Variants in RAB6B observed in about 807,000 individuals in gnomAD.
The protein encoded by RAB6B is RAB6B, member RAS oncogene family, also known as ras-related protein Rab-6B.
Under a neutral mutation model 31.2 loss-of-function variants are expected in RAB6B, and 7 were observed. That is an observed-to-expected ratio of 0.22 (90% confidence interval 0.13 to 0.42). The LOEUF (loss-of-function observed/expected upper bound fraction) is 0.42, where lower values mean the gene tolerates loss of function less well. RAB6B is among the 10% of genes least tolerant of loss of function. The pLI is 1.00. For missense variants in RAB6B, 149 were observed against 280.6 expected (o/e 0.53, Z 3.35); for synonymous variants, 105 against 104.9 (o/e 1.00, Z -0.01).
chr3:133,885,146 G>C (rs139957346), intron 1 of RAB6B, among the ~76,000 whole-genome samples: 2 of 150,452 alleles, frequency 1.3e-5, no homozygotes, highest in Non-Finnish European at 3.0e-5. Context: ...CCAATGGCTA[G>C]AGGATGGGCT....
At chr3:133,895,319 G>A (rs976533087) in intron 1 of RAB6B, 78 bp downstream of exon 1, 89 of 1,473,080 alleles carry the variant, frequency 6.0e-5, no homozygotes, top group African/African-American at 9.8e-5. Context: ...AGCCTGGGCC[G>A]GGGGTCCCAA....
intron 6 of RAB6B, among the ~76,000 whole-genome samples, chr3:133,835,512 G>A (rs1251142017): frequency 2.0e-5 from 3 of 151,810 alleles, no homozygotes; most frequent in Non-Finnish European, 4.4e-5. Context: ...GTTTGGGCAG[G>A]TGTGGGTGGC....
chr3:133,854,876 C>T (rs1004281216), intron 2 of RAB6B, among the ~76,000 whole-genome samples: 3 of 152,224 alleles, frequency 2.0e-5, no homozygotes, highest in Non-Finnish European at 4.4e-5. Flanking sequence ...TTATGAAATA[C>T]AATTTTGTTT....
At chr3:133,859,388 C>T (rs1936127199) in intron 2 of RAB6B, among the ~76,000 whole-genome samples, 1 of 152,164 alleles carries the variant, frequency 6.6e-6, no homozygotes, top group Non-Finnish European at 1.5e-5. Flanking sequence ...GGAAGTCCTA[C>T]AGGTGTCTCT....
At chr3:133,860,301 G>A (rs1418378136) in intron 2 of RAB6B, among the ~76,000 whole-genome samples, 1 of 152,190 alleles carries the variant, frequency 6.6e-6, no homozygotes, top group Admixed American at 6.5e-5. Context: ...AGTGACTGGT[G>A]TCCTCTTAAG....
intron 2 of RAB6B, among the ~76,000 whole-genome samples, chr3:133,846,981 T>C (rs1935916124): frequency 6.6e-6 from 1 of 152,194 alleles, no homozygotes; most frequent in African/African-American, 2.4e-5. Context: ...ATTTTGTAGA[T>C]GGAAATTAGA....
rs1262839947 is a variant in RAB6B at position 133,895,749 on chromosome 3, C to G, written c.-283G>C. The G allele has an allele frequency of 9.3e-6, 4 of 427,926 alleles. No homozygotes were observed. The highest frequency in any genetic ancestry group is 8.2e-6 in the Non-Finnish European group (2 of 244,716). The allele number at this position is 427,926 out of a possible 1,614,324, so 26.5% of individuals were successfully genotyped here. ...GTGCGAGGGGCGCGCTCTTTACGCC[C>G]GAGGCGCGGCGCTGGGAGAGAGGCG... On this transcript the variant is annotated 5_prime_UTR_variant, in exon 1 of 8. Coordinates refer to ENST00000285208, the MANE Select transcript of RAB6B (RefSeq NM_016577.4).
intron 2 of RAB6B, among the ~76,000 whole-genome samples, chr3:133,842,842 A>G (rs921231676): frequency 6.6e-6 from 1 of 152,230 alleles, no homozygotes; most frequent in Non-Finnish European, 1.5e-5. Flanking sequence ...TACTTTCCAC[A>G]ATGAACATAT....
At chr3:133,840,256 G>T (rs1935805377) in intron 4 of RAB6B, among the ~76,000 whole-genome samples, 1 of 152,198 alleles carries the variant, frequency 6.6e-6, no homozygotes. Context: ...GGCCACTTCT[G>T]GGCAGCCTGA....
chr3:133,833,579 A>G (rs1935688221), intron 7 of RAB6B, among the ~76,000 whole-genome samples: 1 of 152,138 alleles, frequency 6.6e-6, no homozygotes, highest in Non-Finnish European at 1.5e-5. Flanking sequence ...CAGCAGCTCC[A>G]TGAGGCCTCC....
intron 7 of RAB6B, among the ~76,000 whole-genome samples, chr3:133,830,160 T>A (rs569288712): frequency 2.3e-4 from 35 of 152,366 alleles, no homozygotes; most frequent in African/African-American, 7.9e-4. Flanking sequence ...CAGCTGCAGT[T>A]CTATGGCCCA....
intron 2 of RAB6B, among the ~76,000 whole-genome samples, chr3:133,857,633 C>T (rs1224670280): frequency 3.9e-5 from 6 of 152,182 alleles, no homozygotes; most frequent in Admixed American, 6.5e-5. Context: ...TTAGAGAAAA[C>T]GCACCCATTT....
chr3:133,844,781 T>TA (rs1428772955), intron 2 of RAB6B, among the ~76,000 whole-genome samples: 3 of 151,568 alleles, frequency 2.0e-5, no homozygotes, highest in African/African-American at 7.3e-5. Flanking sequence ...CTACAAAAAA[T>TA]AAAAAATGAA....
chr3:133,886,369 C>T (rs1936547415), intron 1 of RAB6B, among the ~76,000 whole-genome samples: 1 of 152,218 alleles, frequency 6.6e-6, no homozygotes, highest in Admixed American at 6.5e-5. Context: ...CTACCGACCT[C>T]ACACATCTGA....
intron 2 of RAB6B, among the ~76,000 whole-genome samples, chr3:133,844,805 TG>T (rs1364065617): frequency 1.3e-5 from 2 of 151,844 alleles, no homozygotes; most frequent in Non-Finnish European, 2.9e-5. Context: ...TAATCAGGTG[TG>T]GTGGTGCCTG....
At chr3:133,829,395 C>T (rs1049372187) in intron 7 of RAB6B, among the ~76,000 whole-genome samples, 8 of 152,196 alleles carry the variant, frequency 5.3e-5, no homozygotes, top group Non-Finnish European at 1.0e-4. Flanking sequence ...CCTCGCCAGC[C>T]CTTTCCACTG....
At chr3:133,858,608 T>G (rs1021322525) in intron 2 of RAB6B, among the ~76,000 whole-genome samples, 29 of 152,262 alleles carry the variant, frequency 1.9e-4, no homozygotes, top group African/African-American at 7.0e-4. Context: ...CCAGTCATAT[T>G]GAACTAGGGC....
chr3:133,838,382 G>A, intron 5 of RAB6B, 123 bp from the exon 6 acceptor site: 1 of 853,336 alleles, frequency 1.2e-6, no homozygotes, highest in Non-Finnish European at 2.0e-6. Flanking sequence ...CCTGAAGACA[G>A]GCTCTGATCC....
intron 2 of RAB6B, among the ~76,000 whole-genome samples, chr3:133,861,149 C>T (rs1936155364): frequency 6.6e-6 from 1 of 152,224 alleles, no homozygotes; most frequent in Non-Finnish European, 1.5e-5. Context: ...CAAAGACAGC[C>T]AAGTCTCATC....
Sources: allele counts gnomAD v4.1 joint callset (sites outside exome capture counted in the v4.1 genomes callset), GRCh38; gene constraint gnomAD v4.1.1; transcripts MANE v1.5; gene names NCBI Gene and HGNC (gene_info 2026-07-23, HGNC 2026-07-21).